Variants in NKIRAS1 observed in about 807,000 individuals in gnomAD.
The protein encoded by NKIRAS1 is NF-kappa-B inhibitor-interacting Ras-like protein 1.
A neutral mutation model predicts 19.8 loss-of-function variants in NKIRAS1; 16 were observed. That is an observed-to-expected ratio of 0.81 (90% CI 0.55 to 1.23). The LOEUF is 1.23. Among genes scored for constraint, NKIRAS1 ranks in the 50% most tolerant of loss-of-function variants. The pLI is 0.00. For synonymous variants in NKIRAS1, 88 were observed against 79.0 expected (o/e 1.11, Z -0.61); for missense variants, 184 against 220.0 (o/e 0.84, Z 1.04).
intron 4 of NKIRAS1, among the ~76,000 whole-genome samples, chr3:23,898,728 A>T (rs1165878674): frequency 6.6e-6 from 1 of 152,000 alleles, no homozygotes; most frequent in Non-Finnish European, 1.5e-5. Context: ...ACAGGTGTGA[A>T]TCACTGCACC....
At chr3:23,896,754 G>C (rs1040527507) in intron 4 of NKIRAS1, among the ~76,000 whole-genome samples, 1 of 151,534 alleles carries the variant, frequency 6.6e-6, no homozygotes, top group African/African-American at 2.4e-5. Context: ...AAGGAGGACT[G>C]TTTGAGACCA....
intron 3 of NKIRAS1, among the ~76,000 whole-genome samples, chr3:23,908,731 G>A (rs957807737): frequency 2.0e-5 from 3 of 151,788 alleles, no homozygotes; most frequent in African/African-American, 7.3e-5. Context: ...ACATACTGGT[G>A]TGATCATGGC....
intron 4 of NKIRAS1, 53 bp downstream of exon 4, chr3:23,900,755 T>C (rs1450063124): frequency 7.0e-7 from 1 of 1,436,216 alleles, no homozygotes; most frequent in African/African-American, 1.4e-5. Context: ...GTCTGTGCTA[T>C]AATTTAAATG....
At chr3:23,904,274 A>G (rs1702805404) in intron 3 of NKIRAS1, among the ~76,000 whole-genome samples, 1 of 152,216 alleles carries the variant, frequency 6.6e-6, no homozygotes. Flanking sequence ...ATAAATAGAA[A>G]ATTTCTTTCT....
At chr3:23,899,162 T>A (rs1265007067) in intron 4 of NKIRAS1, among the ~76,000 whole-genome samples, 1 of 151,812 alleles carries the variant, frequency 6.6e-6, no homozygotes, top group Non-Finnish European at 1.5e-5. Context: ...TTACCAAGGG[T>A]TAAGGTGGGG....
At chr3:23,916,178 T>A (rs1245334460) in intron 1 of NKIRAS1, 1 of 152,174 alleles carries the variant, frequency 6.6e-6, no homozygotes, top group Admixed American at 6.5e-5. Flanking sequence ...GATTAAGAGA[T>A]AATGATTCTC....
intron 3 of NKIRAS1, among the ~76,000 whole-genome samples, chr3:23,907,973 A>G (rs1010730754): frequency 8.5e-5 from 13 of 152,232 alleles, no homozygotes; most frequent in African/African-American, 3.1e-4. Context: ...ATTTTCTCAA[A>G]AAGTAATAAA....
chr3:23,910,449 C>G (rs1703584547), intron 3 of NKIRAS1, among the ~76,000 whole-genome samples: 2 of 152,146 alleles, frequency 1.3e-5, no homozygotes, highest in Non-Finnish European at 2.9e-5. Flanking sequence ...GCCACCATGC[C>G]CACTGGAAAG....
intron 1 of NKIRAS1, among the ~76,000 whole-genome samples, chr3:23,932,316 T>C (rs1258538735): frequency 6.6e-6 from 1 of 152,182 alleles, no homozygotes; most frequent in Admixed American, 6.6e-5. Flanking sequence ...CTAAATGATA[T>C]ACAGAGGTCC....
At chr3:23,946,243 C>T (rs1460064801) in intron 1 of NKIRAS1, 2 of 985,328 alleles carry the variant, frequency 2.0e-6, no homozygotes, top group East Asian at 1.1e-4. Context: ...GCCGCACGCT[C>T]TTTTCGCGAG....
chr3:23,924,707 C>T lies in NKIRAS1; in HGVS notation c.-139-13257G>A, dbSNP rs149136762. 3.2e-3 allele frequency among the ~76,000 whole-genome samples: 486 copies of T among 152,262 alleles called. 1 individual carries two copies. The highest frequency in any genetic ancestry group is 0.011 in the African/African-American group (463 of 41,560). On this transcript the variant is annotated intron_variant, in intron 1 of 4. Transcript: ENST00000421515. ...ATAAGCCACCAAGCCTGGCCCTGCT[C>T]ATAAGATTCTTGAAGGTAACTTTAT...
rs1020561192 is a variant in NKIRAS1, at chr3:23,890,435, A to C, written c.*2660T>G. ...CATACTTTGTCGTACGTATCTACCCAAGCTGTCACTATTCGCTAAAGTTTA... is the reference window on the plus strand; with the variant it reads ...CATACTTTGTCGTACGTATCTACCCCAGCTGTCACTATTCGCTAAAGTTTA... On this transcript the variant is annotated 3_prime_UTR_variant, in exon 5 of 5. Coordinates refer to ENST00000425478, the MANE Select transcript of NKIRAS1 (RefSeq NM_020345.4). The C allele has an allele frequency of 6.9e-7, 1 of 1,440,200 alleles. No individual in the cohort carries two copies. Among genetic ancestry groups the C allele is most frequent in the African/African-American group, 1.4e-5 (1 of 70,856 alleles). The allele number at this position is 1,440,200 out of a possible 1,614,324, so 89.2% of individuals were successfully genotyped here.
intron 3 of NKIRAS1, among the ~76,000 whole-genome samples, chr3:23,901,562 C>T (rs1702525430): frequency 6.6e-6 from 1 of 152,086 alleles, no homozygotes; most frequent in African/African-American, 2.4e-5. Context: ...TTTAAAAATG[C>T]ATTTTACCAC....
At chr3:23,918,787 T>C, upstream of NKIRAS1, 3 of 624,884 alleles carry the variant, frequency 4.8e-6, no homozygotes, top group South Asian at 4.4e-5. Flanking sequence ...TTGTGGAACC[T>C]AAGCTTTAAA....
chr3:23,921,582 T>TC, upstream of NKIRAS1: 6 of 676,936 alleles, frequency 8.9e-6, no homozygotes, highest in Non-Finnish European at 1.3e-5. Flanking sequence ...TTTTTTTTTT[T>TC]TTTTTTTTTT....
intron 3 of NKIRAS1, among the ~76,000 whole-genome samples, chr3:23,901,332 G>A (rs1219711815): frequency 1.3e-5 from 2 of 151,804 alleles, no homozygotes; most frequent in African/African-American, 2.4e-5. Flanking sequence ...GGGACTACAG[G>A]TGCCATCATG....
At chr3:23,936,480 A>G (rs1044244958) in intron 1 of NKIRAS1, among the ~76,000 whole-genome samples, 8 of 152,082 alleles carry the variant, frequency 5.3e-5, no homozygotes, top group Non-Finnish European at 7.4e-5. Flanking sequence ...TTAAAATACC[A>G]ATTACTGGCC....
Position 23,945,651 on chromosome 3 carries a change from G to C in NKIRAS1, c.-140+672C>G, listed in dbSNP as rs1419858111. On this transcript the variant is annotated intron_variant, in intron 1 of 4. Coordinates refer to the NKIRAS1 transcript ENST00000421515. ...GCCGGAGGGAGCGCTCAGAGCCCGC[G>C]GGGCACTTTGGGGGGCGGCGGCAGG... 14 of 1,123,946 alleles carry C rather than the reference G, an allele frequency of 1.2e-5. No individual in the cohort carries two copies. The African/African-American group carries it at 1.6e-4, about 13-fold the overall frequency. The allele number at this position is 1,123,946 out of a possible 1,614,324, so 69.6% of individuals were successfully genotyped here.
chr3:23,928,256 C>G (rs1025301738), intron 1 of NKIRAS1, among the ~76,000 whole-genome samples: 24 of 150,516 alleles, frequency 1.6e-4, no homozygotes, highest in Non-Finnish European at 3.0e-5. Flanking sequence ...CACCACTGCA[C>G]TCCAGCCTGG....
Sources: gnomAD v4.1 joint callset for allele counts (sites outside exome capture counted in the v4.1 genomes callset) on GRCh38, gnomAD v4.1.1 for gene constraint, MANE v1.5 for transcripts, NCBI Gene and HGNC (gene_info 2026-07-23, HGNC 2026-07-21) for gene names.